The following CADPS variants were observed in gnomAD, a reference collection of about 807,000 sequenced individuals.
The protein encoded by CADPS is calcium dependent secretion activator.
Under a neutral mutation model 167.3 loss-of-function variants are expected in CADPS, and 57 were observed. That is an observed-to-expected ratio of 0.34 (90% CI 0.28 to 0.42). The LOEUF (loss-of-function observed/expected upper bound fraction) is 0.42. CADPS is among the 20% of genes least tolerant of loss of function. The pLI is 1.00. For synonymous variants in CADPS, 676 were observed against 635.3 expected (o/e 1.06, Z -0.96); for missense variants, 1,414 against 1,738.1 (o/e 0.81, Z 3.32).
chr3:62,647,594 G>A (rs1156992968), intron 5 of CADPS, among the ~76,000 whole-genome samples: 1 of 152,192 alleles, frequency 6.6e-6, no homozygotes, highest in Non-Finnish European at 1.5e-5. Context: ...GATCTGTAAA[G>A]TGGGAATAAA....
chr3:62,615,211 G>T (rs1181768316), intron 6 of CADPS, among the ~76,000 whole-genome samples: 1 of 152,178 alleles, frequency 6.6e-6, no homozygotes, highest in African/African-American at 2.4e-5. Flanking sequence ...TCCCAGTCAT[G>T]AAGGAAGGAA....
chr3:62,644,731 A>C, intron 6 of CADPS, among the ~76,000 whole-genome samples: 1 of 151,846 alleles, frequency 6.6e-6, no homozygotes. Context: ...AATGCTCTCC[A>C]CCCATCCCCA....
At chr3:62,843,808 C>T (rs188309791) in intron 1 of CADPS, among the ~76,000 whole-genome samples, 147 of 151,758 alleles carry the variant, frequency 9.7e-4, no homozygotes, top group Non-Finnish European at 1.9e-3. Context: ...CAATATCCAA[C>T]TACAAGAGTA....
Position 62,874,536 on chromosome 3 carries a change from G to C in CADPS, c.441+53C>G. ...GCCGCCAGCTCCCATTGTTCACCCC[G>C]CCCGCCTGGCGACGTCCGGGTGCTG... On this transcript the variant is annotated intron_variant, in intron 1 of 29. Coordinates refer to ENST00000383710, the MANE Select transcript of CADPS (RefSeq NM_003716.4). The surrounding 1 kb of genome is among the most constrained non-coding windows in gnomAD (Gnocchi z 7.1). The C allele has an allele frequency of 3.6e-6, 5 of 1,403,518 alleles. No homozygotes were observed. Among genetic ancestry groups the C allele is most frequent in the East Asian group, 2.6e-5 (1 of 38,562 alleles). 86.9% of individuals were successfully genotyped at this position (1,403,518 alleles called of 1,614,324 possible). A position where few individuals can be genotyped will look rare whatever the true frequency, so the allele number is the denominator to read the frequency against.
intron 10 of CADPS, among the ~76,000 whole-genome samples, chr3:62,550,380 A>T (rs2077131719): frequency 1.3e-5 from 2 of 152,000 alleles, no homozygotes; most frequent in African/African-American, 4.8e-5. Flanking sequence ...GGGGATAAAC[A>T]TCTGCCTATA....
At chr3:62,766,275 T>C (rs2086838065) in intron 1 of CADPS, among the ~76,000 whole-genome samples, 1 of 152,182 alleles carries the variant, frequency 6.6e-6, no homozygotes. Context: ...TCAGTGCTTT[T>C]GAGGTTACTT....
chr3:62,712,044 T>C (rs1215543238), intron 3 of CADPS, among the ~76,000 whole-genome samples: 1 of 152,200 alleles, frequency 6.6e-6, no homozygotes, highest in African/African-American at 2.4e-5. Flanking sequence ...TCAGGAGATA[T>C]ATACACTTCT....
chr3:62,729,605 A>C (rs2077377573), intron 3 of CADPS, among the ~76,000 whole-genome samples: 1 of 151,950 alleles, frequency 6.6e-6, no homozygotes, highest in South Asian at 2.1e-4. Flanking sequence ...ACAATCTTTA[A>C]AATGAAAAGA....
At chr3:62,590,116 G>A (rs1422024108) in intron 7 of CADPS, among the ~76,000 whole-genome samples, 1 of 151,564 alleles carries the variant, frequency 6.6e-6, no homozygotes, top group East Asian at 1.9e-4. Flanking sequence ...ATGAACCTGG[G>A]AGGTGGAGGT....
chr3:62,722,205 G>A (rs760448541), intron 3 of CADPS, among the ~76,000 whole-genome samples: 1 of 152,158 alleles, frequency 6.6e-6, no homozygotes, highest in Admixed American at 6.5e-5. Flanking sequence ...CCTGTGTTGA[G>A]CAAAGATTTC....
rs1575548889 is a variant in CADPS, at chr3:62,401,950, A to C, written c.3882+1131T>G. Among the ~76,000 whole-genome samples the C allele has an allele frequency of 3.3e-5, 5 of 152,304 alleles. No individual in the cohort carries two copies. The East Asian group carries it at 9.6e-4, about 29-fold the overall frequency. On this transcript the variant is annotated intron_variant, in intron 29 of 29. Coordinates refer to ENST00000383710, the MANE Select transcript of CADPS (RefSeq NM_003716.4). ...AGTGCATTTATGCACAGAAAATGGA[A>C]TTCAAGTGGTCAGGCGACCACTTGA...
chr3:62,740,723 CACTA>C (rs1301359871), intron 3 of CADPS, among the ~76,000 whole-genome samples: 16 of 152,280 alleles, frequency 1.1e-4, no homozygotes, highest in Admixed American at 9.8e-4. Context: ...ATCACCATGC[CACTA>C]ACTACCATCA....
In CADPS at chr3:62,570,919, T is replaced by C; in HGVS notation, c.1597A>G (p.Lys533Glu). 2 of 1,609,972 alleles carry C rather than the reference T, an allele frequency of 1.2e-6. No individual in the cohort carries two copies. The highest frequency in any genetic ancestry group is 1.7e-6 in the Non-Finnish European group (2 of 1,176,188). ...TTCTTCCATCTCTTCCAGACATTCT[T>C]ACCGATGGCCCATAAATACCTAAGG... ...KHSGYLWAIG[K>E]NVWKRWKKRF... The change falls in exon 9 of 30, where the codon AAG (lysine) becomes GAG (glutamate). Residue 533 changes from lysine to glutamate, a missense_variant. Transcript: ENST00000383710.
rs1009618662 is a variant in CADPS, at chr3:62,438,465, A to T, written c.3670-254T>A. 2 of 411,696 alleles carry T rather than the reference A, an allele frequency of 4.9e-6. No individual in the cohort carries two copies. The highest frequency in any genetic ancestry group is 4.2e-5 in the Admixed American group (1 of 24,094). 25.5% of individuals were successfully genotyped at this position (411,696 alleles called of 1,614,324 possible). A position where few individuals can be genotyped will look rare whatever the true frequency, so the allele number is the denominator to read the frequency against. ...GGATTTTATAAATAGTTTTTCTATGATAAATTTTTTCCTGGCAAATTTATC... is the reference window on the plus strand; with the variant it reads ...GGATTTTATAAATAGTTTTTCTATGTTAAATTTTTTCCTGGCAAATTTATC... On this transcript the variant is annotated intron_variant, in intron 27 of 29. Coordinates refer to ENST00000383710, the MANE Select transcript of CADPS (RefSeq NM_003716.4). The surrounding 1 kb of genome is among the most constrained non-coding windows in gnomAD (Gnocchi z 4.7).
At chr3:62,604,352 C>A (rs1362947143) in intron 6 of CADPS, among the ~76,000 whole-genome samples, 4 of 152,154 alleles carry the variant, frequency 2.6e-5, no homozygotes, top group African/African-American at 4.8e-5. Context: ...AGAAGAGATG[C>A]TGATTTTCAG....
In CADPS at chr3:62,399,725, T is replaced by C; in HGVS notation, c.3883-140A>G. On this transcript the variant is annotated intron_variant, in intron 29 of 29. Transcript: ENST00000383710. This position sits in a 1 kb window ranked among gnomAD's most constrained non-coding sequence, Gnocchi z 5.6. The stretch of plus-strand genomic sequence containing the variant: ...TATGCATTGTCAAATAAAAAGCCAC[T>C]GTGCTTAGATTTCACTTGTATTGAA... The C allele has an allele frequency of 6.3e-6, 4 of 639,038 alleles. No individual in the cohort carries two copies. Among genetic ancestry groups the C allele is most frequent in the Non-Finnish European group, 1.1e-5 (4 of 369,240 alleles). The allele number at this position is 639,038 out of a possible 1,614,324, so 39.6% of individuals were successfully genotyped here.
chr3:62,645,674 A>C, intron 6 of CADPS, 48 bp downstream of exon 6: 1 of 1,603,598 alleles, frequency 6.2e-7, no homozygotes, highest in Non-Finnish European at 8.5e-7. Flanking sequence ...AAATGGAACT[A>C]ATGGCAGCAA....
At chr3:62,484,366 T>G (rs953698752) in intron 21 of CADPS, among the ~76,000 whole-genome samples, 3 of 152,192 alleles carry the variant, frequency 2.0e-5, no homozygotes, top group Non-Finnish European at 4.4e-5. Context: ...TAAGTAGCAC[T>G]TAGTTCCAAT....
chr3:62,858,445 C>T (rs896887784), intron 1 of CADPS, among the ~76,000 whole-genome samples: 8 of 152,076 alleles, frequency 5.3e-5, no homozygotes, highest in Middle Eastern at 3.2e-3. Context: ...CACCTGGGCA[C>T]CTGTGAGCCA....
Sources: gnomAD v4.1 joint callset for allele counts (sites outside exome capture counted in the v4.1 genomes callset) on GRCh38, gnomAD v4.1.1 for gene constraint, Gnocchi (gnomAD v3.1) non-coding constraint, MANE v1.5 for transcripts, NCBI Gene and HGNC (gene_info 2026-07-23, HGNC 2026-07-21) for gene names.